The following ADGRG7 variants were observed in gnomAD, a reference collection of about 807,000 sequenced individuals.
The protein encoded by ADGRG7 is G-protein coupled receptor 128.
A neutral mutation model predicts 88.6 loss-of-function variants in ADGRG7; 82 were observed. The ratio of observed to expected loss-of-function variants is 0.93; its 90% confidence interval spans 0.77 to 1.11. The LOEUF is 1.11. Ranked by LOEUF, ADGRG7 falls within the 50% of genes most tolerant of loss-of-function variation. The probability of loss-of-function intolerance (pLI) is 0.00; values close to 1 mark genes in which losing one functional copy is unlikely to be tolerated. For synonymous variants in ADGRG7, 381 were observed against 345.2 expected (o/e 1.10, Z -1.15); for missense variants, 945 against 953.4 (o/e 0.99, Z 0.12).
At chr3:100,678,652 G>A (rs1448326758) in intron 15 of ADGRG7, among the ~76,000 whole-genome samples, 1 of 152,212 alleles carries the variant, frequency 6.6e-6, no homozygotes, top group Non-Finnish European at 1.5e-5. Flanking sequence ...AGCCATATCT[G>A]CTTTAGGGGG....
At chr3:100,663,397 A>G (rs2094948003) in intron 14 of ADGRG7, among the ~76,000 whole-genome samples, 1 of 152,078 alleles carries the variant, frequency 6.6e-6, no homozygotes. Context: ...GCATGTTATT[A>G]TCCAATATCA....
At chr3:100,627,502 G>A (rs569428467) in intron 1 of ADGRG7, among the ~76,000 whole-genome samples, 58 of 152,212 alleles carry the variant, frequency 3.8e-4, no homozygotes, top group Non-Finnish European at 7.2e-4. Context: ...CTGTGTAAAC[G>A]TGATTTATTG....
intron 14 of ADGRG7, among the ~76,000 whole-genome samples, chr3:100,663,093 C>T (rs1354531354): frequency 1.3e-5 from 2 of 152,030 alleles, no homozygotes; most frequent in Non-Finnish European, 2.9e-5. Context: ...CTCAAAAAAG[C>T]ATGGTTTATC....
chr3:100,623,630 C>T (rs954496151), intron 1 of ADGRG7, among the ~76,000 whole-genome samples: 5 of 152,124 alleles, frequency 3.3e-5, no homozygotes, highest in Non-Finnish European at 7.3e-5. Flanking sequence ...GTTTGCTGCA[C>T]CTATCAACTT....
At chr3:100,662,551 T>C (rs1302271405) in intron 14 of ADGRG7, among the ~76,000 whole-genome samples, 3 of 152,138 alleles carry the variant, frequency 2.0e-5, no homozygotes, top group African/African-American at 7.2e-5. Context: ...CATAGTAACC[T>C]GAGAAGTTTT....
At chr3:100,611,737 G>A (rs1037150520) in intron 1 of ADGRG7, among the ~76,000 whole-genome samples, 2 of 152,164 alleles carry the variant, frequency 1.3e-5, no homozygotes, top group Non-Finnish European at 2.9e-5. Flanking sequence ...AAAAGGAGAG[G>A]GTTCTCACTG....
chr3:100,621,469 G>A (rs1707310707), intron 1 of ADGRG7, among the ~76,000 whole-genome samples: 1 of 152,196 alleles, frequency 6.6e-6, no homozygotes, highest in Non-Finnish European at 1.5e-5. Context: ...GAAAATTTGA[G>A]TGGTCTGGAT....
chr3:100,657,746 A>T (rs933263030), intron 13 of ADGRG7, among the ~76,000 whole-genome samples: 2 of 152,244 alleles, frequency 1.3e-5, no homozygotes, highest in African/African-American at 4.8e-5. Flanking sequence ...TAAACTTGGC[A>T]CTATTTTATT....
At chr3:100,621,410 T>G (rs1707309676) in intron 1 of ADGRG7, among the ~76,000 whole-genome samples, 1 of 152,188 alleles carries the variant, frequency 6.6e-6, no homozygotes, top group Non-Finnish European at 1.5e-5. Context: ...GCTACTCCAG[T>G]GAACACACAA....
At chr3:100,694,632 T>C (rs2094999103) in intron 15 of ADGRG7, 112 bp from the exon 16 acceptor site, 4 of 1,018,104 alleles carry the variant, frequency 3.9e-6, no homozygotes, top group East Asian at 2.6e-5. Flanking sequence ...CAAATTCAAG[T>C]TGGGGAAGTG....
Position 100,672,611 on chromosome 3 carries a change from A to G in ADGRG7, c.2136+3506A>G, listed in dbSNP as rs185427803. Among the ~76,000 whole-genome samples, 836 of 152,248 alleles carry G rather than the reference A, an allele frequency of 5.5e-3. 6 individuals carry two copies. Among genetic ancestry groups the G allele is most frequent in the African/African-American group, 0.019 (799 of 41,530 alleles). The stretch of plus-strand genomic sequence containing the variant: ...TATTATGTTGAATAGGAGTGGTGAG[A>G]GAGGGGCATCCTTGTCTTGTGCCAG... On this transcript the variant is annotated intron_variant, in intron 15 of 15. Coordinates refer to ENST00000273352, the MANE Select transcript of ADGRG7 (RefSeq NM_032787.3).
Position 100,659,890 on chromosome 3 carries a change from C to A in ADGRG7, c.1979+47C>A, listed in dbSNP as rs766298421. The stretch of plus-strand genomic sequence containing the variant: ...AAGCTGCCAGGCAAGGCTCATCCAG[C>A]ACTTAACGCAGCACCATAACACATC... On this transcript the variant is annotated intron_variant, in intron 14 of 15. Transcript: ENST00000273352. 2.4e-5 allele frequency: 37 copies of A among 1,563,960 alleles called. No individual in the cohort carries two copies. In the South Asian group the frequency reaches 3.9e-4, roughly 17 times the overall value.
At chr3:100,666,705 G>A (rs1356695532) in intron 14 of ADGRG7, among the ~76,000 whole-genome samples, 1 of 152,116 alleles carries the variant, frequency 6.6e-6, no homozygotes, top group African/African-American at 2.4e-5. Flanking sequence ...GTCAGGCTGG[G>A]GGACGGTCAG....
At chr3:100,686,117 G>A (rs1290536769) in intron 15 of ADGRG7, among the ~76,000 whole-genome samples, 1 of 151,588 alleles carries the variant, frequency 6.6e-6, no homozygotes, top group Non-Finnish European at 1.5e-5. Flanking sequence ...GCATTTCTCT[G>A]ATGGCCAGTG....
At chr3:100,615,048 G>A (rs996918482) in intron 1 of ADGRG7, among the ~76,000 whole-genome samples, 2 of 152,136 alleles carry the variant, frequency 1.3e-5, no homozygotes, top group African/African-American at 4.8e-5. Context: ...CAAATAAAAG[G>A]AAGCTGATGC....
intron 15 of ADGRG7, among the ~76,000 whole-genome samples, chr3:100,681,206 G>A (rs1251258910): frequency 6.6e-6 from 1 of 150,916 alleles, no homozygotes; most frequent in Non-Finnish European, 1.5e-5. Flanking sequence ...ACTTTGGAGA[G>A]GTTTTTTTTT....
intron 13 of ADGRG7, among the ~76,000 whole-genome samples, chr3:100,657,090 C>T (rs1021047402): frequency 2.6e-4 from 40 of 152,154 alleles, no homozygotes; most frequent in African/African-American, 9.7e-4. Flanking sequence ...TTTATTCACA[C>T]TGAGCTGTAA....
chr3:100,635,655 T>C, intron 4 of ADGRG7, 22 bp from the exon 5 acceptor site: 1 of 1,606,498 alleles, frequency 6.2e-7, no homozygotes, highest in Non-Finnish European at 8.5e-7. Context: ...AGCTAGGGTT[T>C]TTTTTCTGGT....
intron 14 of ADGRG7, among the ~76,000 whole-genome samples, chr3:100,664,227 G>A (rs2094949088): frequency 6.6e-6 from 1 of 152,060 alleles, no homozygotes; most frequent in Non-Finnish European, 1.5e-5. Context: ...TAACTTTAAA[G>A]CTAACAAATC....
Sources: gnomAD v4.1 joint callset for allele counts (sites outside exome capture counted in the v4.1 genomes callset) on GRCh38, gnomAD v4.1.1 for gene constraint, MANE v1.5 for transcripts, NCBI Gene and HGNC (gene_info 2026-07-23, HGNC 2026-07-21) for gene names.